PTPRT: variants seen among roughly 807,000 people sequenced by gnomAD.
PTPRT encodes the protein protein tyrosine phosphatase receptor type T.
PTPRT carries 56 observed loss-of-function variants against 176.8 expected under a neutral mutation model. The ratio of observed to expected loss-of-function variants is 0.32; its 90% CI spans 0.26 to 0.40. PTPRT has a LOEUF of 0.40. Ranked by LOEUF, PTPRT falls within the 10% of genes least tolerant of loss-of-function variation. The pLI is 1.00. For synonymous variants in PTPRT, 783 were observed against 739.0 expected, an observed-to-expected ratio of 1.06 and a Z score of -0.96; for missense variants, 1,540 against 1,908.2, an observed-to-expected ratio of 0.81 and a Z score of 3.60.
chr20:42,267,010 T>TATA lies in PTPRT; in HGVS notation c.2176+15476_2176+15478dup, dbSNP rs1021056178. Reference sequence around the variant, plus strand: ...TGTTGTTTTCTTTAATTTTGCTGCATATAATAATAATAATATTTTGGATAT... The same window carrying TATA: ...TGTTGTTTTCTTTAATTTTGCTGCATATAATAATAATAATAATATTTTGGATAT... On this transcript the variant is annotated intron_variant, in intron 13 of 30. Coordinates refer to ENST00000373187, the MANE Select transcript of PTPRT (RefSeq NM_007050.6). 6.6e-5 allele frequency among the ~76,000 whole-genome samples: 10 copies of TATA among 152,294 alleles called. No individual in the cohort carries two copies. In the South Asian group the frequency reaches 1.7e-3, roughly 25 times the overall value.
At chr20:42,677,715 C>G in intron 7 of PTPRT, 151 bp downstream of exon 7, 1 of 910,214 alleles carries the variant, frequency 1.1e-6, no homozygotes, top group Non-Finnish European at 1.6e-6. Flanking sequence ...AAAAAAAACC[C>G]CAAGGCCTTG....
At chr20:42,714,535 C>T (rs11905283) in intron 6 of PTPRT, among the ~76,000 whole-genome samples, 21,821 of 152,204 alleles carry the variant, frequency 0.14, 2,366 homozygotes, top group African/African-American at 0.3. Flanking sequence ...TCCAGCATCT[C>T]ATGACAAACA....
intron 1 of PTPRT, among the ~76,000 whole-genome samples, chr20:42,949,660 A>G (rs2146012391): frequency 6.6e-6 from 1 of 152,326 alleles, no homozygotes; most frequent in East Asian, 1.9e-4. Context: ...CCAATTCATG[A>G]CCCACAGAAT....
chr20:42,537,700 T>C (rs2072501075), intron 7 of PTPRT, among the ~76,000 whole-genome samples: 1 of 152,198 alleles, frequency 6.6e-6, no homozygotes, highest in South Asian at 2.1e-4. Flanking sequence ...GTATTGGGGA[T>C]GCAACAGGAG....
chr20:42,452,732 T>C (rs2070853580), intron 8 of PTPRT, among the ~76,000 whole-genome samples: 1 of 152,138 alleles, frequency 6.6e-6, no homozygotes, highest in African/African-American at 2.4e-5. Context: ...CTGGGGAAAA[T>C]TCTCTTTCTC....
chr20:42,988,605 A>G (rs943378107), intron 1 of PTPRT, among the ~76,000 whole-genome samples: 3 of 152,204 alleles, frequency 2.0e-5, no homozygotes, highest in African/African-American at 7.2e-5. Context: ...TACAGCAGGG[A>G]AACACACTCA....
intron 7 of PTPRT, among the ~76,000 whole-genome samples, chr20:42,557,007 G>A (rs1445634518): frequency 1.3e-5 from 2 of 152,052 alleles, no homozygotes; most frequent in Non-Finnish European, 2.9e-5. Flanking sequence ...CTTTTGCTTT[G>A]CCAGACACTT....
chr20:42,687,369 T>C (rs1465902971), intron 6 of PTPRT: 1 of 152,184 alleles, frequency 6.6e-6, no homozygotes, highest in Non-Finnish European at 1.5e-5. Flanking sequence ...CATTCAGAAA[T>C]GCATAATTCA....
At chr20:42,344,879 T>A (rs1435165335) in intron 11 of PTPRT, among the ~76,000 whole-genome samples, 1 of 151,988 alleles carries the variant, frequency 6.6e-6, no homozygotes, top group African/African-American at 2.4e-5. Context: ...CCCTGTACCT[T>A]CTCTGTGTGC....
chr20:42,633,811 ATATAT>A (rs2074472020), intron 7 of PTPRT, among the ~76,000 whole-genome samples: 1 of 96,368 alleles, frequency 1.0e-5, no homozygotes, highest in Non-Finnish European at 1.8e-5. Context: ...ATATATATAT[ATATAT>A]ATAATAAAAT....
chr20:42,713,293 A>T (rs2076173426), intron 6 of PTPRT, among the ~76,000 whole-genome samples: 1 of 152,138 alleles, frequency 6.6e-6, no homozygotes, highest in African/African-American at 2.4e-5. Context: ...GAACCACATA[A>T]ATATATTACC....
At chr20:42,883,845 TAG>T (rs1568658752) in intron 2 of PTPRT, among the ~76,000 whole-genome samples, 8 of 4,752 alleles carry the variant, frequency 1.7e-3, no homozygotes, top group Middle Eastern at 0.056. Flanking sequence ...CCCATACACA[TAG>T]ACACACACCC....
rs1050297807 is a variant in PTPRT at position 42,362,904 on chromosome 20, G to C, written c.1561-10619C>G. ...ACGGATCATCTGGGGTCAGGAGTTC[G>C]AGACCAGCCTGGTCAACATGGTGAA... On this transcript the variant is annotated intron_variant, in intron 9 of 30. Coordinates refer to ENST00000373187, the MANE Select transcript of PTPRT (RefSeq NM_007050.6). Among the ~76,000 whole-genome samples, 4 of 151,718 alleles carry C rather than the reference G, an allele frequency of 2.6e-5. No homozygotes were observed. The South Asian group carries it at 8.3e-4, about 32-fold the overall frequency.
At chr20:42,945,055 T>C (rs1235429002) in intron 1 of PTPRT, among the ~76,000 whole-genome samples, 1 of 148,934 alleles carries the variant, frequency 6.7e-6, no homozygotes, top group Non-Finnish European at 1.5e-5. Flanking sequence ...TGTTATATAG[T>C]ATTTATATAT....
downstream of PTPRT, among the ~76,000 whole-genome samples, chr20:42,071,159 C>T (rs990301033): frequency 1.3e-5 from 2 of 152,192 alleles, no homozygotes; most frequent in African/African-American, 4.8e-5. Flanking sequence ...GTTCCCAAGA[C>T]TGCAAGAGAA....
chr20:42,459,368 G>C (rs1302751365), intron 8 of PTPRT, among the ~76,000 whole-genome samples: 1 of 152,216 alleles, frequency 6.6e-6, no homozygotes, highest in Non-Finnish European at 1.5e-5. Context: ...GAAACCATCA[G>C]AGGGTTGGGA....
At chr20:42,533,657 T>A (rs960645149) in intron 7 of PTPRT, among the ~76,000 whole-genome samples, 1 of 152,224 alleles carries the variant, frequency 6.6e-6, no homozygotes, top group Admixed American at 6.5e-5. Flanking sequence ...AAAATAGGGA[T>A]GATTACAATA....
At chr20:42,459,160 G>A (rs2070974534) in intron 8 of PTPRT, among the ~76,000 whole-genome samples, 1 of 152,198 alleles carries the variant, frequency 6.6e-6, no homozygotes, top group African/African-American at 2.4e-5. Flanking sequence ...GAACCTTACT[G>A]TAGCCAAAAA....
intron 7 of PTPRT, among the ~76,000 whole-genome samples, chr20:42,494,820 C>T (rs907984236): frequency 7.2e-5 from 11 of 152,208 alleles, no homozygotes; most frequent in Middle Eastern, 3.4e-3. Flanking sequence ...TGGATAGATA[C>T]GTGAAATAAA....
Sources: allele counts gnomAD v4.1 joint callset (sites outside exome capture counted in the v4.1 genomes callset), GRCh38; gene constraint gnomAD v4.1.1; transcripts MANE v1.5; gene names NCBI Gene and HGNC (gene_info 2026-07-23, HGNC 2026-07-21).